The following NTM variants were observed in gnomAD, a reference collection of about 807,000 sequenced individuals.
The protein encoded by NTM is IgLON family member 2.
A neutral mutation model predicts 42.1 loss-of-function variants in NTM; 13 were observed. The ratio of observed to expected loss-of-function variants is 0.31; its 90% CI spans 0.20 to 0.49. NTM has a LOEUF of 0.49. Among genes scored for constraint, NTM ranks in the 20% least tolerant of loss-of-function variants. The probability of loss-of-function intolerance (pLI) is 0.99; values close to 1 mark genes in which losing one functional copy is unlikely to be tolerated. For synonymous variants in NTM, 187 were observed against 179.2 expected (o/e 1.04, Z -0.35); for missense variants, 373 against 452.8 (o/e 0.82, Z 1.60).
chr11:132,224,864 G>A (rs2085882222), intron 4 of NTM, among the ~76,000 whole-genome samples: 1 of 152,224 alleles, frequency 6.6e-6, no homozygotes, highest in Non-Finnish European at 1.5e-5. Flanking sequence ...AGACGACCAG[G>A]TTTCTGGTTT....
chr11:131,503,171 C>T (rs953157556), intron 1 of NTM, among the ~76,000 whole-genome samples: 4 of 152,102 alleles, frequency 2.6e-5, no homozygotes, highest in African/African-American at 7.2e-5. Flanking sequence ...TAAGGGGAGC[C>T]GTTGATGATG....
intron 2 of NTM, among the ~76,000 whole-genome samples, chr11:131,962,961 T>C (rs2062395144): frequency 6.6e-6 from 1 of 152,160 alleles, no homozygotes; most frequent in Non-Finnish European, 1.5e-5. Flanking sequence ...CACCCATCAG[T>C]GTGAAATAGC....
chr11:131,801,310 AGTTGCCATACTGGGT>A (rs1159982303), intron 1 of NTM, among the ~76,000 whole-genome samples: 5 of 151,994 alleles, frequency 3.3e-5, no homozygotes, highest in Non-Finnish European at 5.9e-5. Flanking sequence ...GTGTGTTGGG[AGTTGCCATACTGGGT>A]GGCCAGCAGC....
In NTM at chr11:131,765,416, C is replaced by T. The variant is rs79840495; in HGVS notation, c.83-146148C>T. On this transcript the variant is annotated intron_variant, in intron 1 of 8. Transcript: ENST00000683400. The stretch of plus-strand genomic sequence containing the variant: ...GGTTCAACCCCCATCTCTCTAGGGC[C>T]TTTGCACTCAGTTTCCTCTTCCTGG... Among the ~76,000 whole-genome samples the T allele has an allele frequency of 3.9e-5, 6 of 152,316 alleles. No homozygotes were observed. The East Asian group carries it at 1.2e-3, about 29-fold the overall frequency.
intron 1 of NTM, among the ~76,000 whole-genome samples, chr11:131,481,307 C>T (rs370997763): frequency 9.2e-5 from 14 of 152,182 alleles, no homozygotes; most frequent in Admixed American, 1.3e-4. Flanking sequence ...AACGTGGAGA[C>T]GGTGAAAGTG....
intron 1 of NTM, among the ~76,000 whole-genome samples, chr11:131,480,710 T>A (rs1182706409): frequency 1.3e-5 from 2 of 151,640 alleles, no homozygotes; most frequent in Admixed American, 1.3e-4. Flanking sequence ...ATCTAGCCAT[T>A]CCTGAGTAAG....
At chr11:132,334,271 C>T (rs2095849346) in intron 8 of NTM, among the ~76,000 whole-genome samples, 1 of 152,208 alleles carries the variant, frequency 6.6e-6, no homozygotes, top group Admixed American at 6.5e-5. Flanking sequence ...CTCCTGCCTC[C>T]TGTGTTTGTC....
At chr11:131,739,447 G>T (rs2080896291) in intron 1 of NTM, among the ~76,000 whole-genome samples, 2 of 152,238 alleles carry the variant, frequency 1.3e-5, no homozygotes, top group South Asian at 2.1e-4. Flanking sequence ...TGCCATTATT[G>T]CATCAGTGCA....
At chr11:131,381,136 C>T (rs752336488) in intron 1 of NTM, among the ~76,000 whole-genome samples, 4 of 152,120 alleles carry the variant, frequency 2.6e-5, no homozygotes, top group African/African-American at 9.7e-5. Context: ...GAAGAACCTA[C>T]GCTCTACATC....
intron 1 of NTM, among the ~76,000 whole-genome samples, chr11:131,873,668 T>TATATATATACACAC (rs746534551): frequency 9.5e-6 from 1 of 105,426 alleles, no homozygotes; most frequent in Admixed American, 9.4e-5. Context: ...TATATACACA[T>TATATATATACACAC]ATATATATAC....
intron 1 of NTM, among the ~76,000 whole-genome samples, chr11:131,763,699 A>ATGTT (rs771516367): frequency 0.012 from 878 of 73,960 alleles, 28 homozygotes; most frequent in African/African-American, 0.031. Context: ...CCACAGGCCC[A>ATGTT]TCTCTCTCTC....
intron 2 of NTM, among the ~76,000 whole-genome samples, chr11:131,966,503 G>A (rs1300684633): frequency 3.9e-5 from 6 of 152,180 alleles, no homozygotes; most frequent in Admixed American, 3.9e-4. Context: ...GTATATTTAG[G>A]TTAACCATTA....
At chr11:131,508,712 A>G (rs2047829742) in intron 1 of NTM, among the ~76,000 whole-genome samples, 2 of 148,990 alleles carry the variant, frequency 1.3e-5, no homozygotes, top group South Asian at 4.3e-4. Context: ...GCCATAAAAA[A>G]AGATGAGTTC....
chr11:131,437,764 T>G (rs1319442226), intron 1 of NTM, among the ~76,000 whole-genome samples: 1 of 152,242 alleles, frequency 6.6e-6, no homozygotes, highest in Non-Finnish European at 1.5e-5. Context: ...GCCTTTTAAG[T>G]GGGGCATTTA....
intron 3 of NTM, among the ~76,000 whole-genome samples, chr11:132,188,958 G>T (rs1025410149): frequency 3.3e-5 from 5 of 152,168 alleles, no homozygotes; most frequent in Admixed American, 2.0e-4. Flanking sequence ...GGAGTTATAG[G>T]ATATGTGGGA....
At chr11:132,168,230 T>C (rs1239114060) in intron 3 of NTM, among the ~76,000 whole-genome samples, 1 of 152,226 alleles carries the variant, frequency 6.6e-6, no homozygotes, top group African/African-American at 2.4e-5. Flanking sequence ...CATCAGATAC[T>C]ACCTCTCAGA....
At chr11:131,507,029 G>A (rs2047572441) in intron 1 of NTM, among the ~76,000 whole-genome samples, 1 of 152,144 alleles carries the variant, frequency 6.6e-6, no homozygotes, top group Non-Finnish European at 1.5e-5. Context: ...GGTTCTCTGT[G>A]AAGCCACGTC....
intron 1 of NTM, among the ~76,000 whole-genome samples, chr11:131,439,408 A>G (rs1391357187): frequency 6.6e-6 from 1 of 152,210 alleles, no homozygotes; most frequent in East Asian, 1.9e-4. Flanking sequence ...TGCCCTACCC[A>G]CAAAGGTAGA....
At position 132,212,219 on chromosome 11, in the gene NTM, T is replaced by C. The variant is rs2082971400; in HGVS notation, c.526+72T>C. 33 of 1,263,246 alleles carry C rather than the reference T, an allele frequency of 2.6e-5. No homozygotes were observed. The South Asian group carries it at 3.1e-4, about 12-fold the overall frequency. The allele number at this position is 1,263,246 out of a possible 1,614,324, so 78.3% of individuals were successfully genotyped here. On this transcript the variant is annotated intron_variant, in intron 4 of 8. Coordinates refer to ENST00000683400, the MANE Select transcript of NTM (RefSeq NM_001352005.2). Reference sequence around the variant, plus strand: ...ATTTTGGGCCTTTGGTAGGAGGTTATGGGTGCTGATACCTACTCCAGAGGA... The same window carrying C: ...ATTTTGGGCCTTTGGTAGGAGGTTACGGGTGCTGATACCTACTCCAGAGGA...
Sources: gnomAD v4.1 joint callset for allele counts (sites outside exome capture counted in the v4.1 genomes callset) on GRCh38, gnomAD v4.1.1 for gene constraint, MANE v1.5 for transcripts, NCBI Gene and HGNC (gene_info 2026-07-23, HGNC 2026-07-21) for gene names.